The following DLGAP2 variants were observed in gnomAD, a reference collection of about 807,000 sequenced individuals.
DLGAP2 encodes DLG associated protein 2, also known as disks large-associated protein 2.
DLGAP2 carries 26 observed loss-of-function variants against 100.3 expected under a neutral mutation model. The ratio of observed to expected loss-of-function variants is 0.26; its 90% CI spans 0.19 to 0.36. The LOEUF (loss-of-function observed/expected upper bound fraction) is 0.36. Ranked by LOEUF, DLGAP2 falls within the 10% of genes least tolerant of loss-of-function variation. The pLI, the probability that DLGAP2 is intolerant of heterozygous loss-of-function variation, is 1.00. For synonymous variants in DLGAP2, 886 were observed against 630.1 expected (o/e 1.41, Z -6.08); for missense variants, 1,858 against 1,453.2 (o/e 1.28, Z -4.53).
chr8:773,128 A>G (rs571027639), intron 1 of DLGAP2, among the ~76,000 whole-genome samples: 1 of 152,168 alleles, frequency 6.6e-6, no homozygotes, highest in South Asian at 2.1e-4. Flanking sequence ...GCAGAAACTC[A>G]TCTTCTCACA....
intron 2 of DLGAP2, among the ~76,000 whole-genome samples, chr8:966,540 A>G (rs1057406018): frequency 2.6e-5 from 4 of 152,178 alleles, no homozygotes; most frequent in African/African-American, 9.6e-5. Context: ...AAAAGTTTTT[A>G]ATTTTCAAAC....
At chr8:765,870 C>T (rs1821200129) in intron 1 of DLGAP2, among the ~76,000 whole-genome samples, 1 of 152,108 alleles carries the variant, frequency 6.6e-6, no homozygotes, top group South Asian at 2.1e-4. Context: ...CAGGTGCACA[C>T]AAACATACCC....
At chr8:1,663,773 GA>G (rs1335208515) in intron 8 of DLGAP2, among the ~76,000 whole-genome samples, 1 of 152,154 alleles carries the variant, frequency 6.6e-6, no homozygotes, top group African/African-American at 2.4e-5. Flanking sequence ...ATCACCAGAG[GA>G]AAGCAGAGCA....
intron 2 of DLGAP2, among the ~76,000 whole-genome samples, chr8:1,110,816 C>T (rs1804933274): frequency 6.6e-6 from 1 of 151,120 alleles, no homozygotes; most frequent in African/African-American, 2.4e-5. Context: ...TATATTCACC[C>T]TGCACAGCCC....
intron 1 of DLGAP2, among the ~76,000 whole-genome samples, chr8:756,044 CAGTT>C (rs781535763): frequency 6.6e-6 from 1 of 152,132 alleles, no homozygotes; most frequent in Non-Finnish European, 1.5e-5. Context: ...GCTGACAAGG[CAGTT>C]AGGGGCCAGG....
intron 2 of DLGAP2, among the ~76,000 whole-genome samples, chr8:1,239,615 T>C (rs1349006857): frequency 3.0e-5 from 2 of 65,806 alleles, no homozygotes; most frequent in Non-Finnish European, 2.8e-5. Context: ...CCGTGTCTAG[T>C]TCTCTCACAT....
intron 2 of DLGAP2, among the ~76,000 whole-genome samples, chr8:1,253,963 T>C (rs943397150): frequency 1.3e-5 from 2 of 152,204 alleles, no homozygotes; most frequent in Non-Finnish European, 2.9e-5. Flanking sequence ...GCCCTGAATC[T>C]GTGGTCAGTT....
chr8:1,565,959 A>G (rs1802383826), intron 6 of DLGAP2, 65 bp downstream of exon 6: 13 of 1,412,326 alleles, frequency 9.2e-6, no homozygotes, highest in Non-Finnish European at 1.2e-5. Context: ...TCCCTCTCCA[A>G]AACCACTTCA....
At chr8:1,484,423 G>A (rs1799185848) in intron 3 of DLGAP2, among the ~76,000 whole-genome samples, 1 of 152,254 alleles carries the variant, frequency 6.6e-6, no homozygotes, top group Non-Finnish European at 1.5e-5. Context: ...AAGAAAAAGG[G>A]AAATTGGAAA....
At chr8:1,253,431 C>T (rs7010424) in intron 2 of DLGAP2, among the ~76,000 whole-genome samples, 15,645 of 152,256 alleles carry the variant, frequency 0.1, 2,130 homozygotes, top group African/African-American at 0.31. Flanking sequence ...AGATAGCATG[C>T]GCTCGGCTTC....
intron 2 of DLGAP2, among the ~76,000 whole-genome samples, chr8:986,244 C>G (rs1476343414): frequency 1.3e-5 from 2 of 152,164 alleles, no homozygotes; most frequent in African/African-American, 2.4e-5. Context: ...GTAGGGAGAG[C>G]TGTGTCAGCC....
At chr8:1,604,529 A>G (rs1051794174) in intron 6 of DLGAP2, 7 of 152,256 alleles carry the variant, frequency 4.6e-5, no homozygotes, top group African/African-American at 1.7e-4. Flanking sequence ...CCAGGAATCA[A>G]CATTACATGC....
chr8:822,309 C>T (rs949956230), intron 1 of DLGAP2: 20 of 398,596 alleles, frequency 5.0e-5, no homozygotes, highest in African/African-American at 2.3e-4. Context: ...ACAGGGGTGA[C>T]GGGGGCCTGG....
At chr8:1,413,510 C>T (rs1463530294) in intron 3 of DLGAP2, among the ~76,000 whole-genome samples, 1 of 152,172 alleles carries the variant, frequency 6.6e-6, no homozygotes. Flanking sequence ...TTACTTTGCA[C>T]TAAATCTGGC....
intron 2 of DLGAP2, among the ~76,000 whole-genome samples, chr8:913,931 T>A (rs1172069389): frequency 1.3e-5 from 2 of 152,010 alleles, no homozygotes; most frequent in Non-Finnish European, 2.9e-5. Flanking sequence ...GACTGAGACA[T>A]GCAGGCACCT....
intron 2 of DLGAP2, among the ~76,000 whole-genome samples, chr8:929,821 G>A (rs530146391): frequency 1.3e-5 from 2 of 151,268 alleles, no homozygotes; most frequent in African/African-American, 4.9e-5. Context: ...ATGATTTATA[G>A]TACAAGTCAT....
intron 2 of DLGAP2, among the ~76,000 whole-genome samples, chr8:1,004,886 A>T (rs57327507): frequency 0.011 from 1,611 of 152,310 alleles, 27 homozygotes; most frequent in African/African-American, 0.036. Flanking sequence ...AATGTGATGC[A>T]GTGGGCAGAA....
intron 2 of DLGAP2, among the ~76,000 whole-genome samples, chr8:918,807 C>G (rs978937961): frequency 6.6e-6 from 1 of 152,182 alleles, no homozygotes; most frequent in Non-Finnish European, 1.5e-5. Context: ...GAATTGAAGA[C>G]AAACTGATAT....
intron 3 of DLGAP2, among the ~76,000 whole-genome samples, chr8:1,321,615 C>G (rs1017857747): frequency 6.6e-6 from 1 of 152,182 alleles, no homozygotes; most frequent in Non-Finnish European, 1.5e-5. Context: ...CATCAGGATA[C>G]TTTTTTTCAT....
Sources: allele counts gnomAD v4.1 joint callset (sites outside exome capture counted in the v4.1 genomes callset), GRCh38; gene constraint gnomAD v4.1.1; transcripts MANE v1.5; gene names NCBI Gene and HGNC (gene_info 2026-07-23, HGNC 2026-07-21).